SELENOF: variants seen among roughly 807,000 people sequenced by gnomAD.
SELENOF encodes selenoprotein F.
Under a neutral mutation model 20.5 loss-of-function variants are expected in SELENOF, and 16 were observed. The observed-to-expected ratio is 0.78, with a 90% CI of 0.53 to 1.19. The LOEUF is 1.19. Ranked by LOEUF, SELENOF falls within the 50% of genes most tolerant of loss-of-function variation. The probability of loss-of-function intolerance (pLI) is 0.00; values close to 1 mark genes in which losing one functional copy is unlikely to be tolerated. For synonymous variants in SELENOF, 78 were observed against 74.5 expected (o/e 1.05, Z -0.24); for missense variants, 215 against 194.2 (o/e 1.11, Z -0.64).
chr1:86,914,187 A>C (rs1660075540), upstream of SELENOF: 4 of 1,285,474 alleles, frequency 3.1e-6, no homozygotes, highest in African/African-American at 2.9e-5. Flanking sequence ...CCAAAACAGA[A>C]CGCTAACGGC....
At chr1:86,875,322 A>G (rs1658898806) in intron 3 of SELENOF, among the ~76,000 whole-genome samples, 1 of 152,178 alleles carries the variant, frequency 6.6e-6, no homozygotes, top group Non-Finnish European at 1.5e-5. Flanking sequence ...CATTAGGACA[A>G]TTTAGAAGCA....
chr1:86,887,072 T>C, intron 2 of SELENOF: 1 of 1,376,966 alleles, frequency 7.3e-7, no homozygotes, highest in Non-Finnish European at 9.5e-7. Context: ...TAAACCATGT[T>C]TAGTGATCTA....
chr1:86,873,460 G>T (rs564958574), intron 3 of SELENOF, among the ~76,000 whole-genome samples: 1 of 152,268 alleles, frequency 6.6e-6, no homozygotes, highest in South Asian at 2.1e-4. Flanking sequence ...TGAGATAAAG[G>T]AAATATTCTT....
At chr1:86,864,419 T>C (rs1189474280) in intron 4 of SELENOF, among the ~76,000 whole-genome samples, 1 of 152,232 alleles carries the variant, frequency 6.6e-6, no homozygotes, top group Admixed American at 6.5e-5. Context: ...TGTAGTTATG[T>C]AGTTCGGCAG....
chr1:86,893,284 C>G (rs1197231848), intron 2 of SELENOF, among the ~76,000 whole-genome samples: 1 of 151,866 alleles, frequency 6.6e-6, no homozygotes, highest in South Asian at 2.1e-4. Flanking sequence ...AGCTCAATCA[C>G]AAAGTCAGTA....
chr1:86,882,176 G>A (rs1659088056), intron 2 of SELENOF, among the ~76,000 whole-genome samples: 1 of 144,892 alleles, frequency 6.9e-6, no homozygotes, highest in Admixed American at 7.2e-5. Context: ...AGGTTGCAGT[G>A]AGCCGAAGGT....
chr1:86,894,429 C>T (rs1309951120), intron 2 of SELENOF, among the ~76,000 whole-genome samples: 1 of 151,866 alleles, frequency 6.6e-6, no homozygotes, highest in Non-Finnish European at 1.5e-5. Flanking sequence ...ATCATGGTTT[C>T]CTCCTGATCT....
chr1:86,869,177 T>C (rs1570372004), intron 3 of SELENOF, among the ~76,000 whole-genome samples: 1 of 152,186 alleles, frequency 6.6e-6, no homozygotes, highest in Non-Finnish European at 1.5e-5. Flanking sequence ...GAAGGGTATT[T>C]AGCAAAATCA....
intron 2 of SELENOF, chr1:86,887,077 G>T: frequency 1.4e-6 from 2 of 1,398,418 alleles, no homozygotes; most frequent in South Asian, 1.6e-5. Context: ...CATGTTTAGT[G>T]ATCTACTGGT....
intron 1 of SELENOF, among the ~76,000 whole-genome samples, chr1:86,910,702 C>CAAAAAA (rs36124875): frequency 1.2e-5 from 1 of 82,818 alleles, no homozygotes; most frequent in Non-Finnish European, 2.5e-5. Flanking sequence ...GACTCCATAT[C>CAAAAAA]AAAAAAAAAA....
At chr1:86,896,225 A>G (rs1226761384) in intron 2 of SELENOF, among the ~76,000 whole-genome samples, 1 of 150,680 alleles carries the variant, frequency 6.6e-6, no homozygotes, top group Non-Finnish European at 1.5e-5. Flanking sequence ...CCTGGGCAAC[A>G]AGAGCAAAAC....
intron 2 of SELENOF, among the ~76,000 whole-genome samples, chr1:86,899,682 C>T (rs1570401707): frequency 1.4e-5 from 2 of 147,950 alleles, no homozygotes; most frequent in East Asian, 2.1e-4. Context: ...GCTGGCCTGG[C>T]GGGGGCTGAC....
intron 2 of SELENOF, among the ~76,000 whole-genome samples, chr1:86,883,526 T>C (rs1013823296): frequency 2.6e-5 from 4 of 152,106 alleles, no homozygotes; most frequent in Admixed American, 6.5e-5. Context: ...ACATACATAG[T>C]GTATAGTTAA....
intron 2 of SELENOF, among the ~76,000 whole-genome samples, chr1:86,888,806 GGCGT>G (rs1165302103): frequency 1.3e-5 from 2 of 152,206 alleles, no homozygotes; most frequent in African/African-American, 2.4e-5. Context: ...TGGGATTACA[GGCGT>G]GCGCCACCAC....
chr1:86,891,072 G>A (rs1380998386), intron 2 of SELENOF, among the ~76,000 whole-genome samples: 1 of 144,144 alleles, frequency 6.9e-6, no homozygotes, highest in Admixed American at 6.9e-5. Flanking sequence ...TTTTTTAGAT[G>A]GAGTTTCATT....
intron 1 of SELENOF, among the ~76,000 whole-genome samples, chr1:86,906,934 CGTT>C (rs1329745713): frequency 1.3e-4 from 20 of 152,190 alleles, no homozygotes; most frequent in Non-Finnish European, 2.8e-4. Context: ...ACTGTGAACT[CGTT>C]AACAAACGTA....
intron 1 of SELENOF, among the ~76,000 whole-genome samples, chr1:86,910,729 G>A (rs1004289024): frequency 6.7e-6 from 1 of 148,304 alleles, no homozygotes; most frequent in African/African-American, 2.5e-5. Context: ...AAAGGTTTCA[G>A]TCTAACATGT....
Position 86,893,328 on chromosome 1 carries a change from G to A in SELENOF, c.252+9953C>T, listed in dbSNP as rs568489248. Among the ~76,000 whole-genome samples, 4 of 152,154 alleles carry A rather than the reference G, an allele frequency of 2.6e-5. No individual in the cohort carries two copies. The East Asian group carries it at 7.7e-4, about 29-fold the overall frequency. ...AGATGAAAATTAAACTCTCGGCTAG[G>A]GTATGGTGGCTCACGCCTGTAATCC... On this transcript the variant is annotated intron_variant, in intron 2 of 4. Coordinates refer to ENST00000331835, the MANE Select transcript of SELENOF (RefSeq NM_004261.5).
chr1:86,878,337 AT>A (rs1399300785), intron 3 of SELENOF, among the ~76,000 whole-genome samples: 1 of 152,260 alleles, frequency 6.6e-6, no homozygotes, highest in Non-Finnish European at 1.5e-5. Flanking sequence ...CTAGAGTATA[AT>A]GTAGGTTATC....
Sources: allele counts gnomAD v4.1 joint callset (sites outside exome capture counted in the v4.1 genomes callset), GRCh38; gene constraint gnomAD v4.1.1; transcripts MANE v1.5; gene names NCBI Gene and HGNC (gene_info 2026-07-23, HGNC 2026-07-21).